Variants in GHR observed in about 807,000 individuals in gnomAD.
GHR encodes growth hormone receptor, also known as GH receptor.
GHR carries 35 observed loss-of-function variants against 67.1 expected under a neutral mutation model. The ratio of observed to expected loss-of-function variants is 0.52; its 90% CI spans 0.40 to 0.69. The LOEUF is 0.69. Among genes scored for constraint, GHR ranks in the 30% least tolerant of loss-of-function variants. The pLI is 0.00. For missense variants in GHR, 792 were observed against 764.6 expected, an observed-to-expected ratio of 1.04 and a Z score of -0.42; for synonymous variants, 272 against 269.1, an observed-to-expected ratio of 1.01 and a Z score of -0.10.
At chr5:42,614,279 A>T (rs141030944) in intron 2 of GHR, among the ~76,000 whole-genome samples, 76 of 152,202 alleles carry the variant, frequency 5.0e-4, no homozygotes, top group African/African-American at 1.4e-3. Flanking sequence ...CGTAACTTTC[A>T]TTATTCATCT....
At chr5:42,582,358 C>G (rs1347262905) in intron 2 of GHR, among the ~76,000 whole-genome samples, 1 of 152,208 alleles carries the variant, frequency 6.6e-6, no homozygotes, top group Non-Finnish European at 1.5e-5. Flanking sequence ...CCCATAGCCA[C>G]CCATGGACCA....
At chr5:42,647,680 T>C in intron 3 of GHR, 1 of 449,028 alleles carries the variant, frequency 2.2e-6, no homozygotes, top group Non-Finnish European at 4.5e-6. Flanking sequence ...TAATGCAGAG[T>C]AGAGAAGCTC....
intron 1 of GHR, among the ~76,000 whole-genome samples, chr5:42,505,907 A>G (rs932696697): frequency 1.3e-5 from 2 of 152,180 alleles, no homozygotes; most frequent in African/African-American, 4.8e-5. Flanking sequence ...CCATTCATGC[A>G]TATTACCTAT....
At chr5:42,434,601 A>G (rs1320776245) in intron 1 of GHR, among the ~76,000 whole-genome samples, 1 of 152,194 alleles carries the variant, frequency 6.6e-6, no homozygotes, top group Non-Finnish European at 1.5e-5. Flanking sequence ...TTTTCTTTCA[A>G]GAGCTCTTGT....
At chr5:42,697,321 A>G (rs79553040) in intron 5 of GHR, among the ~76,000 whole-genome samples, 6,456 of 152,314 alleles carry the variant, frequency 0.042, 192 homozygotes, top group African/African-American at 0.084. Flanking sequence ...AGGCCAGTCA[A>G]TGTTCTCCAT....
chr5:42,697,848 A>C (rs1328481331), intron 5 of GHR, among the ~76,000 whole-genome samples: 1 of 152,178 alleles, frequency 6.6e-6, no homozygotes, highest in African/African-American at 2.4e-5. Flanking sequence ...AGGGGGACAA[A>C]GACCAAAGGG....
chr5:42,533,533 A>G (rs1579886745), intron 1 of GHR, among the ~76,000 whole-genome samples: 1 of 151,898 alleles, frequency 6.6e-6, no homozygotes, highest in Non-Finnish European at 1.5e-5. Flanking sequence ...TATTTTGCAT[A>G]GTCATATGCT....
intron 2 of GHR, among the ~76,000 whole-genome samples, chr5:42,588,691 T>C (rs1019986213): frequency 6.6e-5 from 10 of 152,124 alleles, no homozygotes; most frequent in African/African-American, 2.4e-4. Context: ...GCCCTTTTTT[T>C]CCTCCATAAC....
rs570172149 is a variant in GHR at position 42,553,400 on chromosome 5, A to T, written c.-11-12464A>T. On this transcript the variant is annotated intron_variant, in intron 1 of 9. Transcript: ENST00000230882. ...GTTTTTGCTCCTAGAGGCTATCTGC[A>T]TTGCATCTCATGGTTTCTGTGTGCC... Among the ~76,000 whole-genome samples, 15 of 152,170 alleles carry T rather than the reference A, an allele frequency of 9.9e-5. No homozygotes were observed. In the South Asian group the frequency reaches 2.9e-3, roughly 29 times the overall value.
At chr5:42,554,731 A>C (rs1749217517) in intron 1 of GHR, among the ~76,000 whole-genome samples, 1 of 152,174 alleles carries the variant, frequency 6.6e-6, no homozygotes, top group Non-Finnish European at 1.5e-5. Flanking sequence ...GCATACTAGA[A>C]TCAAAGATCC....
At chr5:42,478,079 T>C (rs1200633113) in intron 1 of GHR, among the ~76,000 whole-genome samples, 2 of 152,196 alleles carry the variant, frequency 1.3e-5, no homozygotes, top group African/African-American at 4.8e-5. Context: ...AAGGAAGGGA[T>C]CCAGTTTCAG....
chr5:42,466,915 C>T (rs530212539), intron 1 of GHR: 47 of 1,514,546 alleles, frequency 3.1e-5, no homozygotes, highest in South Asian at 1.1e-4. Flanking sequence ...TCTGTGGTGT[C>T]GCATGAGGTG....
intron 6 of GHR, among the ~76,000 whole-genome samples, chr5:42,710,018 A>G (rs1758376422): frequency 6.6e-6 from 1 of 151,966 alleles, no homozygotes; most frequent in Non-Finnish European, 1.5e-5. Context: ...CAGAGAAATA[A>G]GGGCTTTGAG....
intron 1 of GHR, among the ~76,000 whole-genome samples, chr5:42,441,245 G>A (rs1448669696): frequency 3.9e-5 from 6 of 152,122 alleles, no homozygotes; most frequent in Non-Finnish European, 8.8e-5. Flanking sequence ...CAGAGGCCAA[G>A]GAAAGAGAAT....
At chr5:42,712,363 A>G (rs1249131981) in intron 7 of GHR, among the ~76,000 whole-genome samples, 3 of 152,164 alleles carry the variant, frequency 2.0e-5, no homozygotes, top group Non-Finnish European at 2.9e-5. Flanking sequence ...AGCTTAGTGT[A>G]GTGGCATTTA....
chr5:42,706,399 T>C (rs770494266), intron 6 of GHR, among the ~76,000 whole-genome samples: 1 of 152,182 alleles, frequency 6.6e-6, no homozygotes, highest in Non-Finnish European at 1.5e-5. Context: ...TTTAATTAGA[T>C]CCCATTTGTC....
chr5:42,465,867 C>T (rs928810989), intron 1 of GHR: 16 of 737,140 alleles, frequency 2.2e-5, no homozygotes, highest in Admixed American at 5.6e-5. Context: ...ACTGAAAATT[C>T]GCCTCCTTCA....
chr5:42,557,354 C>T (rs1452961536), intron 1 of GHR, among the ~76,000 whole-genome samples: 1 of 152,120 alleles, frequency 6.6e-6, no homozygotes, highest in Non-Finnish European at 1.5e-5. Flanking sequence ...GATTGCTCTA[C>T]CACATGCCTA....
intron 1 of GHR, among the ~76,000 whole-genome samples, chr5:42,499,221 G>A (rs534316450): frequency 6.6e-6 from 1 of 152,290 alleles, no homozygotes; most frequent in Admixed American, 6.5e-5. Flanking sequence ...CATGAAGAGG[G>A]CACTTGGGAC....
Sources: allele counts gnomAD v4.1 joint callset (sites outside exome capture counted in the v4.1 genomes callset), GRCh38; gene constraint gnomAD v4.1.1; transcripts MANE v1.5; gene names NCBI Gene and HGNC (gene_info 2026-07-23, HGNC 2026-07-21).